Variants in EPHB2 observed in about 807,000 individuals in gnomAD.
EPHB2 encodes EPH receptor B2, also known as ephrin type-B receptor 2.
In EPHB2, 18 loss-of-function variants were observed where a neutral mutation model predicts 96.4. That is an observed-to-expected ratio of 0.19 (90% confidence interval 0.13 to 0.28). EPHB2 has a LOEUF of 0.28. Among genes scored for constraint, EPHB2 ranks in the 10% least tolerant of loss-of-function variants. The probability of loss-of-function intolerance (pLI) is 1.00; values close to 1 mark genes in which losing one functional copy is unlikely to be tolerated. For synonymous variants in EPHB2, 506 were observed against 534.1 expected (o/e 0.95, Z 0.72); for missense variants, 989 against 1,355.4 (o/e 0.73, Z 4.25).
intron 3 of EPHB2, among the ~76,000 whole-genome samples, chr1:22,859,450 T>C (rs1167707751): frequency 6.6e-6 from 1 of 152,094 alleles, no homozygotes; most frequent in Non-Finnish European, 1.5e-5. Context: ...CATTTTAAGA[T>C]AGTGGCTTCA....
At chr1:22,737,707 T>G (rs1430092697) in intron 1 of EPHB2, among the ~76,000 whole-genome samples, 1 of 152,230 alleles carries the variant, frequency 6.6e-6, no homozygotes, top group Non-Finnish European at 1.5e-5. Flanking sequence ...AGAGACTTTC[T>G]TGTCTTATTC....
intron 1 of EPHB2, among the ~76,000 whole-genome samples, chr1:22,719,171 A>G (rs991278256): frequency 2.6e-5 from 4 of 152,238 alleles, no homozygotes; most frequent in Admixed American, 2.0e-4. Context: ...TCACAGGGCC[A>G]TTTGCAGCTT....
At chr1:22,721,579 G>A (rs781091478) in intron 1 of EPHB2, among the ~76,000 whole-genome samples, 7 of 152,084 alleles carry the variant, frequency 4.6e-5, no homozygotes, top group African/African-American at 9.7e-5. Flanking sequence ...ATCTGTGTCC[G>A]GTTTTGCCAC....
chr1:22,792,811 A>T (rs762598060), intron 3 of EPHB2, among the ~76,000 whole-genome samples: 4 of 152,166 alleles, frequency 2.6e-5, no homozygotes, highest in Non-Finnish European at 5.9e-5. Context: ...TGACAGATAC[A>T]TCTACAGACA....
At chr1:22,765,006 G>A (rs953484388) in intron 1 of EPHB2, among the ~76,000 whole-genome samples, 1 of 152,206 alleles carries the variant, frequency 6.6e-6, no homozygotes, top group African/African-American at 2.4e-5. Flanking sequence ...ATGGGAGGAG[G>A]GCAGAGGCTG....
chr1:22,823,915 T>C (rs374429541), intron 3 of EPHB2, among the ~76,000 whole-genome samples: 28 of 152,226 alleles, frequency 1.8e-4, no homozygotes, highest in African/African-American at 5.3e-4. Flanking sequence ...TGAATGACAG[T>C]GAGCGAGTGA....
At chr1:22,765,934 G>A (rs1042293220) in intron 1 of EPHB2, among the ~76,000 whole-genome samples, 2 of 152,152 alleles carry the variant, frequency 1.3e-5, no homozygotes, top group African/African-American at 4.8e-5. Flanking sequence ...CCTCCTGCAG[G>A]AGCATGTGTC....
chr1:22,848,463 G>C (rs1278816381), intron 3 of EPHB2, among the ~76,000 whole-genome samples: 1 of 152,208 alleles, frequency 6.6e-6, no homozygotes, highest in Non-Finnish European at 1.5e-5. Context: ...GAGGATGCTG[G>C]CTGTCACTCT....
intron 3 of EPHB2, among the ~76,000 whole-genome samples, chr1:22,809,636 C>A (rs917938848): frequency 3.9e-5 from 6 of 152,222 alleles, no homozygotes; most frequent in African/African-American, 1.4e-4. Context: ...TAGGAGGCAT[C>A]TGCCAGGTCA....
At position 22,909,060 on chromosome 1, in the gene EPHB2, C is replaced by T. The variant is rs1165586492; in HGVS notation, c.2391C>T (p.Ala797=). 2 of 1,614,206 alleles carry T rather than the reference C, an allele frequency of 1.2e-6. No individual in the cohort carries two copies. The highest frequency in any genetic ancestry group is 1.7e-6 in the Non-Finnish European group (2 of 1,180,034). Residue 797 remains alanine, a synonymous_variant, in exon 13 of 16, where the codon GCC becomes GCT. Coordinates refer to ENST00000374630, the MANE Select transcript of EPHB2 (RefSeq NM_017449.5). ...CCATCCGCTGGACAGCCCCGGAAGCCATCCAGTACCGGAAGTTCACCTCGG... is the reference window on the plus strand; with the variant it reads ...CCATCCGCTGGACAGCCCCGGAAGCTATCCAGTACCGGAAGTTCACCTCGG... ...KIPIRWTAPE[A]IQYRKFTSAS...
chr1:22,724,507 G>A (rs1004271558), intron 1 of EPHB2, among the ~76,000 whole-genome samples: 1 of 152,186 alleles, frequency 6.6e-6, no homozygotes. Context: ...CAATGGCCTG[G>A]CATAGAGCTC....
chr1:22,812,233 G>T (rs57995488), intron 3 of EPHB2, among the ~76,000 whole-genome samples: 63 of 152,342 alleles, frequency 4.1e-4, no homozygotes, highest in African/African-American at 1.5e-3. Context: ...GCCTGGCCAG[G>T]GAGGGAAGGG....
chr1:22,779,844 G>A (rs1644503954), intron 1 of EPHB2, among the ~76,000 whole-genome samples: 1 of 152,234 alleles, frequency 6.6e-6, no homozygotes, highest in Non-Finnish European at 1.5e-5. Flanking sequence ...TGTGGCCACA[G>A]TATGGGGACT....
intron 1 of EPHB2, among the ~76,000 whole-genome samples, chr1:22,772,088 C>T (rs1222374241): frequency 6.6e-6 from 1 of 151,992 alleles, no homozygotes; most frequent in African/African-American, 2.4e-5. Flanking sequence ...CAACCCCGTC[C>T]CAGACCCCCA....
chr1:22,758,745 G>A (rs1031726003), intron 1 of EPHB2, among the ~76,000 whole-genome samples: 1 of 151,880 alleles, frequency 6.6e-6, no homozygotes, highest in Non-Finnish European at 1.5e-5. Flanking sequence ...ACCTCTCTCT[G>A]AGGGCCACTC....
At chr1:22,747,189 G>T (rs12408248) in intron 1 of EPHB2, among the ~76,000 whole-genome samples, 1 of 152,182 alleles carries the variant, frequency 6.6e-6, no homozygotes, top group Non-Finnish European at 1.5e-5. Flanking sequence ...CCGGACTGAG[G>T]GCCCAAGCAA....
chr1:22,765,368 G>A (rs967816684), intron 1 of EPHB2, among the ~76,000 whole-genome samples: 4 of 151,922 alleles, frequency 2.6e-5, no homozygotes, highest in Admixed American at 6.6e-5. Flanking sequence ...CCAACATGGC[G>A]AAACCCCATC....
chr1:22,722,913 C>G (rs1643498416), intron 1 of EPHB2, among the ~76,000 whole-genome samples: 1 of 152,166 alleles, frequency 6.6e-6, no homozygotes, highest in African/African-American at 2.4e-5. Context: ...GCAAGGCAGC[C>G]ATTCCAGGCA....
intron 1 of EPHB2, among the ~76,000 whole-genome samples, chr1:22,722,936 T>C (rs1467115444): frequency 1.3e-5 from 2 of 152,278 alleles, no homozygotes; most frequent in East Asian, 3.9e-4. Flanking sequence ...AGGAACAGCA[T>C]CTGCAAAGAT....
Sources: gnomAD v4.1 joint callset for allele counts (sites outside exome capture counted in the v4.1 genomes callset) on GRCh38, gnomAD v4.1.1 for gene constraint, MANE v1.5 for transcripts, NCBI Gene and HGNC (gene_info 2026-07-23, HGNC 2026-07-21) for gene names.